Variants in TMEM170A observed in about 807,000 individuals in gnomAD.
The protein encoded by TMEM170A is transmembrane protein 170.
TMEM170A carries 18 observed loss-of-function variants against 12.8 expected under a neutral mutation model. The ratio of observed to expected loss-of-function variants is 1.41; its 90% CI spans 0.97 to 2.09. TMEM170A has a LOEUF of 2.09. TMEM170A is among the 30% of genes most tolerant of loss of function. The pLI is 0.00. For synonymous variants in TMEM170A, 107 were observed against 76.2 expected (o/e 1.40, Z -2.11); for missense variants, 220 against 179.9 (o/e 1.22, Z -1.28).
At chr16:75,450,705 A>G (rs1217627220) in intron 2 of TMEM170A, among the ~76,000 whole-genome samples, 2 of 152,004 alleles carry the variant, frequency 1.3e-5, no homozygotes, top group Admixed American at 6.6e-5. Context: ...CCCAGGCTGG[A>G]GTGCTGTGGT....
Position 75,461,937 on chromosome 16 carries a change from C to G in TMEM170A, c.133+2531G>C, listed in dbSNP as rs186320017. Among the ~76,000 whole-genome samples, 350 of 152,302 alleles carry G rather than the reference C, an allele frequency of 2.3e-3. 3 individuals carry two copies. Among genetic ancestry groups the G allele is most frequent in the African/African-American group, 8.0e-3 (331 of 41,566 alleles). ...ACCTACTGTGATGTATTAAACCTAT[C>G]CCAAATCCACTTATCTCAATCTTTT... On this transcript the variant is annotated intron_variant, in intron 1 of 2. Transcript: ENST00000561878.
Position 75,447,618 on chromosome 16 carries a change from G to A in TMEM170A, c.375C>T (p.Gly125=), listed in dbSNP as rs762569926. Residue 125 remains glycine (G), a synonymous_variant, in exon 3 of 3, where the codon GGC becomes GGT. Coordinates refer to ENST00000561878, the MANE Select transcript of TMEM170A (RefSeq NM_145254.3). ...CCAAGACGCAAAATGTCTGTCCAGT[G>A]CCCAGTGTGAGGGCTTCAAATGGTA... ...EMIPFEALTL[G]TGQTFCVLVV... is the part of the protein sequence containing the mutation. The A allele has an allele frequency of 2.5e-6, 4 of 1,613,012 alleles. No individual in the cohort carries two copies. The South Asian group carries it at 4.4e-5, about 18-fold the overall frequency.
intron 1 of TMEM170A, among the ~76,000 whole-genome samples, chr16:75,452,926 C>G (rs932047518): frequency 1.1e-4 from 17 of 152,152 alleles, no homozygotes; most frequent in Admixed American, 1.0e-3. Context: ...GTTTTGCACA[C>G]ACATACTTAT....
At chr16:75,451,335 A>T in intron 2 of TMEM170A, 2 of 397,212 alleles carry the variant, frequency 5.0e-6, no homozygotes, top group South Asian at 7.3e-5. Flanking sequence ...AGATTGCTTG[A>T]GCTCAGGAGT....
chr16:75,464,675 C>G lies in TMEM170A; in HGVS notation c.-75G>C. ...GTAGCGGCCGGCGCCGACTCACCCTCGCCGCCTCAGCGTCACCTCCAGCCG... is the reference window on the plus strand; with the variant it reads ...GTAGCGGCCGGCGCCGACTCACCCTGGCCGCCTCAGCGTCACCTCCAGCCG... On this transcript the variant is annotated 5_prime_UTR_variant, in exon 1 of 3. Transcript: ENST00000561878. 6.6e-7 allele frequency: 1 copy of G among 1,514,672 alleles called. No homozygotes were observed. The highest frequency in any genetic ancestry group is 8.8e-7 in the Non-Finnish European group (1 of 1,139,810). 93.8% of individuals were successfully genotyped at this position (1,514,672 alleles called of 1,614,324 possible).
intron 1 of TMEM170A, among the ~76,000 whole-genome samples, chr16:75,455,876 C>T (rs1312940853): frequency 6.6e-6 from 1 of 152,146 alleles, no homozygotes; most frequent in Non-Finnish European, 1.5e-5. Flanking sequence ...AGAGACCAGT[C>T]AGGGGCATCA....
At chr16:75,458,975 C>T (rs899222936) in intron 1 of TMEM170A, 2 of 152,166 alleles carry the variant, frequency 1.3e-5, no homozygotes, top group Non-Finnish European at 2.9e-5. Flanking sequence ...CTCACTGCAA[C>T]CTCTGCCTCC....
At chr16:75,459,588 G>A (rs916620200) in intron 1 of TMEM170A, among the ~76,000 whole-genome samples, 1 of 152,096 alleles carries the variant, frequency 6.6e-6, no homozygotes, top group Non-Finnish European at 1.5e-5. Flanking sequence ...AGGGCGTGGT[G>A]GCTGACACCT....
chr16:75,458,049 C>T (rs1275332599), intron 1 of TMEM170A, among the ~76,000 whole-genome samples: 1 of 152,146 alleles, frequency 6.6e-6, no homozygotes, highest in East Asian at 1.9e-4. Context: ...CTTAATTTGC[C>T]ATCTATTTAA....
intron 1 of TMEM170A, chr16:75,458,572 G>T (rs1357054456): frequency 6.6e-6 from 1 of 152,166 alleles, no homozygotes; most frequent in Non-Finnish European, 1.5e-5. Context: ...TGCTGGAAAA[G>T]GCAAGCAAAG....
intron 1 of TMEM170A, among the ~76,000 whole-genome samples, chr16:75,463,618 C>A (rs1242112448): frequency 6.6e-6 from 1 of 152,250 alleles, no homozygotes; most frequent in East Asian, 1.9e-4. Context: ...TCAGTCCCCT[C>A]TGCTGGGAGC....
chr16:75,455,466 T>C (rs1183471363), intron 1 of TMEM170A, among the ~76,000 whole-genome samples: 1 of 152,172 alleles, frequency 6.6e-6, no homozygotes, highest in Non-Finnish European at 1.5e-5. Context: ...GATCCTGTTT[T>C]TGAGAAAACA....
chr16:75,449,003 G>A (rs1173563147), intron 2 of TMEM170A, among the ~76,000 whole-genome samples: 1 of 151,994 alleles, frequency 6.6e-6, no homozygotes, highest in Non-Finnish European at 1.5e-5. Flanking sequence ...CAAGGCTGCA[G>A]TGAGCTGTGA....
At chr16:75,459,855 TC>T (rs1340496517) in intron 1 of TMEM170A, 4 of 145,466 alleles carry the variant, frequency 2.7e-5, no homozygotes, top group Non-Finnish European at 6.0e-5. Flanking sequence ...AAACTCCATC[TC>T]AAAAAAAAAA....
rs1419193281 is a variant in TMEM170A at position 75,464,683 on chromosome 16, C to T, written c.-83G>A. ...CGGCGCCGACTCACCCTCGCCGCCT[C>T]AGCGTCACCTCCAGCCGGGGTCCTC... On this transcript the variant is annotated 5_prime_UTR_variant, in exon 1 of 3. Transcript: ENST00000561878. 3.3e-6 allele frequency: 5 copies of T among 1,498,720 alleles called. No individual in the cohort carries two copies. The highest frequency in any genetic ancestry group is 2.8e-5 in the East Asian group (1 of 35,518). The allele number at this position is 1,498,720 out of a possible 1,614,324, so 92.8% of individuals were successfully genotyped here.
intron 1 of TMEM170A, among the ~76,000 whole-genome samples, chr16:75,462,207 C>T (rs1189305506): frequency 6.6e-6 from 1 of 152,212 alleles, no homozygotes; most frequent in Non-Finnish European, 1.5e-5. Flanking sequence ...AATGAAGATA[C>T]AAATTGACAT....
chr16:75,453,611 T>G (rs1049438702), intron 1 of TMEM170A, among the ~76,000 whole-genome samples: 1 of 152,220 alleles, frequency 6.6e-6, no homozygotes, highest in Non-Finnish European at 1.5e-5. Flanking sequence ...CCACAATCAT[T>G]TGAAAGACAA....
rs776000241 is a variant in TMEM170A at position 75,451,782 on chromosome 16, G to A, written c.191C>T (p.Pro64Leu). The A allele has an allele frequency of 6.2e-7, 1 of 1,613,920 alleles. No individual in the cohort carries two copies. Among genetic ancestry groups the A allele is most frequent in the Non-Finnish European group, 8.5e-7 (1 of 1,180,022 alleles). Residue 64 changes from proline to leucine, a missense_variant, in exon 2 of 3, where the codon CCT (proline) becomes CTT (leucine). Transcript: ENST00000561878. ...GGTGAAGAGGGCCAGTAATCCAGCA[G>A]GGACATGAAAGAAGAGAGAAGACAC... ...ALVSSLFFHV[P>L]AGLLALFTLR...
intron 2 of TMEM170A, among the ~76,000 whole-genome samples, chr16:75,450,739 A>T (rs934110243): frequency 1.3e-5 from 2 of 152,098 alleles, no homozygotes; most frequent in Non-Finnish European, 2.9e-5. Flanking sequence ...ACTGCAGCCC[A>T]GCCTGGACCT....
Sources: gnomAD v4.1 joint callset for allele counts (sites outside exome capture counted in the v4.1 genomes callset) on GRCh38, gnomAD v4.1.1 for gene constraint, MANE v1.5 for transcripts, NCBI Gene and HGNC (gene_info 2026-07-23, HGNC 2026-07-21) for gene names.